TARS3: variants seen among roughly 807,000 people sequenced by gnomAD.
The protein encoded by TARS3 is threonyl-tRNA synthetase 3.
A neutral mutation model predicts 103.5 loss-of-function variants in TARS3; 94 were observed. That is an observed-to-expected ratio of 0.91 (90% CI 0.77 to 1.08). TARS3 has a LOEUF of 1.08. Ranked by LOEUF, TARS3 falls within the 50% of genes least tolerant of loss-of-function variation. TARS3 has a pLI of 0.00. For synonymous variants in TARS3, 416 were observed against 355.4 expected (o/e 1.17, Z -1.92); for missense variants, 952 against 995.2 (o/e 0.96, Z 0.58).
At position 101,703,883 on chromosome 15, in the gene TARS3, T is replaced by G; in HGVS notation, c.1050A>C (p.Lys350Asn). Reference protein sequence around the residue: ...CKGPHVRHTGKIKTIKIFKNS... With the variant: ...CKGPHVRHTGNIKTIKIFKNS... ...CCTTAAAAATTTTGATGGTTTTAAT[T>G]TTTCCAGTGTGTCTTACATGTGGAC... The change falls in exon 8 of 19, where the codon AAA becomes AAC. Residue 350 changes from lysine (K) to asparagine (N), a missense_variant. Lys to Asn is a moderately conservative substitution (Grantham distance 94, BLOSUM62 0). This residue lies in a region of TARS3 where 540 missense variants were observed against 631.0 expected (regional missense o/e 0.86). Transcript: ENST00000335968. 6.2e-7 allele frequency: 1 copy of G among 1,613,202 alleles called. No homozygotes were observed. Among genetic ancestry groups the G allele is most frequent in the African/African-American group, 1.3e-5 (1 of 75,032 alleles).
chr15:101,701,148 C>G lies in TARS3; in HGVS notation c.1258G>C (p.Gly420Arg). 6.3e-7 allele frequency: 1 copy of G among 1,597,368 alleles called. No individual in the cohort carries two copies. Among genetic ancestry groups the G allele is most frequent in the Non-Finnish European group, 8.5e-7 (1 of 1,175,170 alleles). The change falls in exon 10 of 19, where the codon GGA becomes CGA. Residue 420 changes from glycine to arginine, a missense_variant. This residue lies in a region of TARS3 where 540 missense variants were observed against 631.0 expected (regional missense o/e 0.86). Transcript: ENST00000335968. ...CCTCTGGGAAGGAAAAAACAGCTTC[C>G]AGGACTCAAATCGTGGAAAAAGAAA... ...ELFFFHDLSP[G>R]SCFFLPRGAF...
intron 3 of TARS3, among the ~76,000 whole-genome samples, chr15:101,716,007 C>T (rs895820019): frequency 3.3e-5 from 5 of 151,414 alleles, no homozygotes; most frequent in Non-Finnish European, 5.9e-5. Context: ...ATGAACTATC[C>T]GCTTCCTTTG....
chr15:101,687,076 T>A (rs1190628615), intron 10 of TARS3, among the ~76,000 whole-genome samples: 1 of 152,138 alleles, frequency 6.6e-6, no homozygotes, highest in East Asian at 1.9e-4. Flanking sequence ...TTCAGTGAGC[T>A]GCTTTACCTA....
chr15:101,723,899 T>A (rs1368838348), intron 1 of TARS3, among the ~76,000 whole-genome samples, 192 bp downstream of exon 1: 1 of 152,244 alleles, frequency 6.6e-6, no homozygotes, highest in African/African-American at 2.4e-5. Flanking sequence ...GTCTGGCGAC[T>A]GCTGGAAATC....
rs933123618 is a variant in TARS3, at chr15:101,672,248, T to G, written c.1789-500A>C. On this transcript the variant is annotated intron_variant, in intron 13 of 18. Coordinates refer to ENST00000335968, the MANE Select transcript of TARS3 (RefSeq NM_152334.3). ...GTGTCTGGGAGGGTCACTTATAATTTATAGGGGTGTGGAGGCATGAGGCTC... is the reference window on the plus strand; with the variant it reads ...GTGTCTGGGAGGGTCACTTATAATTGATAGGGGTGTGGAGGCATGAGGCTC... Among the ~76,000 whole-genome samples the G allele has an allele frequency of 8.5e-5, 13 of 152,164 alleles. No individual in the cohort carries two copies. The South Asian group carries it at 2.7e-3, about 32-fold the overall frequency.
intron 10 of TARS3, among the ~76,000 whole-genome samples, chr15:101,692,354 G>A (rs2141416074): frequency 2.1e-5 from 1 of 47,474 alleles, no homozygotes; most frequent in Non-Finnish European, 4.1e-5. Context: ...GTGGGTTCTG[G>A]TATTACTACT....
chr15:101,692,311 C>T (rs1198113968), intron 10 of TARS3, among the ~76,000 whole-genome samples: 1 of 146,740 alleles, frequency 6.8e-6, no homozygotes, highest in Non-Finnish European at 1.5e-5. Flanking sequence ...ACTCCATCTC[C>T]TCACTTCTCT....
At chr15:101,697,586 CCTT>C (rs1288739362) in intron 10 of TARS3, among the ~76,000 whole-genome samples, 1 of 152,082 alleles carries the variant, frequency 6.6e-6, no homozygotes, top group Non-Finnish European at 1.5e-5. Context: ...AAAAATGAAA[CCTT>C]CTTATCCTTA....
In TARS3 at chr15:101,692,748, C is replaced by T. The variant is rs77207422; in HGVS notation, c.1321-6686G>A. On this transcript the variant is annotated intron_variant, in intron 10 of 18. Coordinates refer to ENST00000335968, the MANE Select transcript of TARS3 (RefSeq NM_152334.3). ...TGGTAATCCCTGGGCGCTCTATCAT[C>T]CCTTGTTAGTTACCTTAGCCAGGCC... 4.8e-3 allele frequency among the ~76,000 whole-genome samples: 730 copies of T among 152,350 alleles called. 43 individuals are homozygous for T. In the East Asian group the frequency reaches 0.13, roughly 27 times the overall value.
chr15:101,654,624 A>T lies in TARS3; in HGVS notation c.2367T>A (p.Asn789Lys). 11 of 1,614,138 alleles carry T rather than the reference A, an allele frequency of 6.8e-6. No homozygotes were observed. The highest frequency in any genetic ancestry group is 9.3e-6 in the Non-Finnish European group (11 of 1,180,006). ...LVTSAIDKLKNLRKTRTLNAE... is the reference protein window; with the variant it reads ...LVTSAIDKLKKLRKTRTLNAE... ...CATTGAGTGTCCGTGTCTTCCTGAG[A>T]TTCTTCAGTTTATCAATGGCAGAAG... Residue 789 changes from asparagine (N) to lysine (K), a missense_variant, in exon 19 of 19, where the codon AAT becomes AAA. Coordinates refer to ENST00000335968, the MANE Select transcript of TARS3 (RefSeq NM_152334.3).
chr15:101,672,974 C>T (rs891104401), intron 13 of TARS3, among the ~76,000 whole-genome samples: 5 of 152,188 alleles, frequency 3.3e-5, no homozygotes, highest in Non-Finnish European at 7.3e-5. Context: ...AAGCAGGGGT[C>T]ACTGCTGCTC....
Position 101,671,485 on chromosome 15 carries a change from C to T in TARS3, c.1967+1G>A. ...AATATTTATCACATTCAATCACTCA[C>T]CTAACATATGTGAGATTAAATCTAA... is the stretch of plus-strand genomic sequence containing the variant. On this transcript the variant is annotated splice_donor_variant, in intron 15 of 18. Coordinates refer to ENST00000335968, the MANE Select transcript of TARS3 (RefSeq NM_152334.3). LOFTEE classifies it high-confidence loss of function. The T allele has an allele frequency of 1.3e-6, 2 of 1,595,448 alleles. No individual in the cohort carries two copies. Among genetic ancestry groups the T allele is most frequent in the Non-Finnish European group, 1.7e-6 (2 of 1,164,558 alleles).
chr15:101,656,242 TAAG>T (rs988607352), intron 18 of TARS3, among the ~76,000 whole-genome samples: 6 of 152,236 alleles, frequency 3.9e-5, no homozygotes, highest in African/African-American at 1.4e-4. Flanking sequence ...TCTGCCACCA[TAAG>T]AAGCCTGACT....
chr15:101,717,919 G>A (rs1473999680), intron 3 of TARS3, among the ~76,000 whole-genome samples: 1 of 152,210 alleles, frequency 6.6e-6, no homozygotes, highest in Non-Finnish European at 1.5e-5. Context: ...AAAACAAGTG[G>A]CACTGGCTTA....
At chr15:101,689,032 G>A (rs1197164954) in intron 10 of TARS3, among the ~76,000 whole-genome samples, 1 of 152,154 alleles carries the variant, frequency 6.6e-6, no homozygotes, top group Non-Finnish European at 1.5e-5. Flanking sequence ...CCCAAAGTAT[G>A]TTTTCACCAA....
At chr15:101,690,473 A>T (rs1898666483) in intron 10 of TARS3, among the ~76,000 whole-genome samples, 1 of 152,154 alleles carries the variant, frequency 6.6e-6, no homozygotes, top group African/African-American at 2.4e-5. Context: ...CCTGTATTTC[A>T]ACCCTCTCCT....
intron 10 of TARS3, among the ~76,000 whole-genome samples, 160 bp from the exon 11 acceptor site, chr15:101,686,222 GAAGA>G (rs1438588698): frequency 1.3e-5 from 2 of 152,122 alleles, no homozygotes; most frequent in Non-Finnish European, 2.9e-5. Flanking sequence ...CTGGATCTTG[GAAGA>G]AAGATTTACA....
At chr15:101,676,802 CT>C (rs76822080) in intron 12 of TARS3, among the ~76,000 whole-genome samples, 12,748 of 143,222 alleles carry the variant, frequency 0.089, 1,039 homozygotes, top group African/African-American at 0.23. Flanking sequence ...CCACTACACC[CT>C]TTTTTTTTTT....
At chr15:101,681,563 C>A (rs1898256653) in intron 12 of TARS3, among the ~76,000 whole-genome samples, 2 of 152,218 alleles carry the variant, frequency 1.3e-5, no homozygotes, top group Non-Finnish European at 2.9e-5. Context: ...ATCATTTATT[C>A]TTCACAGTTC....
Sources: gnomAD v4.1 joint callset for allele counts (sites outside exome capture counted in the v4.1 genomes callset) on GRCh38, gnomAD v4.1.1 for gene constraint, gnomAD v4.1.1 regional missense constraint, MANE v1.5 for transcripts, NCBI Gene and HGNC (gene_info 2026-07-23, HGNC 2026-07-21) for gene names.